Variants in RXFP2 observed in about 807,000 individuals in gnomAD.
RXFP2 encodes the protein relaxin receptor 2.
RXFP2 carries 68 observed loss-of-function variants against 88.6 expected under a neutral mutation model. The ratio of observed to expected loss-of-function variants is 0.77; its 90% CI spans 0.63 to 0.94. The LOEUF (loss-of-function observed/expected upper bound fraction) is 0.94. RXFP2 is among the 40% of genes least tolerant of loss of function. The pLI is 0.00. For missense variants in RXFP2, 791 were observed against 893.9 expected, an observed-to-expected ratio of 0.88 and a Z score of 1.47; for synonymous variants, 329 against 306.8, an observed-to-expected ratio of 1.07 and a Z score of -0.76.
Position 31,745,659 on chromosome 13 carries a change from T to C in RXFP2, c.94+5953T>C, listed in dbSNP as rs145571634. Among the ~76,000 whole-genome samples the C allele has an allele frequency of 3.7e-3, 563 of 152,352 alleles. 4 individuals are homozygous for C. The highest frequency in any genetic ancestry group is 6.7e-3 in the Non-Finnish European group (458 of 68,030). On this transcript the variant is annotated intron_variant, in intron 1 of 17. Coordinates refer to ENST00000298386, the MANE Select transcript of RXFP2 (RefSeq NM_130806.5). ...GTCCTCTCGCAACAGTGGCCTTTTC[T>C]GAATTCATGTTCTATGGAGAGCTTT...
At chr13:31,802,084 A>T (rs1451828341) in intron 17 of RXFP2, 62 bp from the exon 18 acceptor site, 1 of 1,530,290 alleles carries the variant, frequency 6.5e-7, no homozygotes, top group African/African-American at 1.4e-5. Flanking sequence ...GCAAAGTGTT[A>T]TTTGTATTTT....
At chr13:31,797,134 C>A (rs931937345) in intron 16 of RXFP2, 67 bp from the exon 17 acceptor site, 14 of 1,129,402 alleles carry the variant, frequency 1.2e-5, no homozygotes, top group African/African-American at 3.1e-5. Context: ...GATACTCAAC[C>A]TGTACCACAG....
At chr13:31,789,617 A>G (rs1283327105) in intron 14 of RXFP2, among the ~76,000 whole-genome samples, 2 of 152,262 alleles carry the variant, frequency 1.3e-5, no homozygotes, top group Admixed American at 6.5e-5. Context: ...GTGCACTACA[A>G]AATGGAGGTA....
chr13:31,759,377 GA>G (rs767221946), intron 2 of RXFP2, among the ~76,000 whole-genome samples: 4 of 102,322 alleles, frequency 3.9e-5, no homozygotes, highest in African/African-American at 1.5e-4. Flanking sequence ...TTTGGATTGA[GA>G]AAGAAAGAAA....
At chr13:31,770,218 T>C (rs1872687732) in intron 5 of RXFP2, among the ~76,000 whole-genome samples, 1 of 152,246 alleles carries the variant, frequency 6.6e-6, no homozygotes, top group South Asian at 2.1e-4. Flanking sequence ...CATATTCACC[T>C]GTTCTATGAT....
At chr13:31,754,460 G>C (rs529510672) in intron 1 of RXFP2, among the ~76,000 whole-genome samples, 2 of 152,142 alleles carry the variant, frequency 1.3e-5, no homozygotes, top group South Asian at 2.1e-4. Context: ...AAACCCGGGA[G>C]GGGGAGGTTT....
At chr13:31,761,860 A>G (rs1872318377) in intron 3 of RXFP2, 59 bp downstream of exon 3, 1 of 1,145,316 alleles carries the variant, frequency 8.7e-7, no homozygotes, top group Non-Finnish European at 1.3e-6. Flanking sequence ...TTTGTGATGC[A>G]CAGATTTATA....
Position 31,802,416 on chromosome 13 carries a change from G to A in RXFP2, c.*11G>A. On this transcript the variant is annotated 3_prime_UTR_variant, in exon 18 of 18. Transcript: ENST00000298386. ...AAACCAGTTTCCTAGCAATCATTTT[G>A]GATCACTGGACTTTCAGTGGACTAC... is the stretch of plus-strand genomic sequence containing the variant. 6.2e-7 allele frequency: 1 copy of A among 1,613,232 alleles called. No individual in the cohort carries two copies. Among genetic ancestry groups the A allele is most frequent in the East Asian group, 2.2e-5 (1 of 44,878 alleles).
At chr13:31,786,008 G>A (rs1593466912) in intron 11 of RXFP2, among the ~76,000 whole-genome samples, 1 of 152,340 alleles carries the variant, frequency 6.6e-6, no homozygotes, top group East Asian at 1.9e-4. Context: ...GAAAAGTGTA[G>A]TTGGATAAAC....
chr13:31,798,793 C>G (rs1874180429), intron 17 of RXFP2, among the ~76,000 whole-genome samples: 1 of 152,158 alleles, frequency 6.6e-6, no homozygotes, highest in Non-Finnish European at 1.5e-5. Flanking sequence ...AAGCTGTCCC[C>G]CCAACCTGGA....
At chr13:31,787,788 C>T (rs745366052) in intron 13 of RXFP2, among the ~76,000 whole-genome samples, 12 of 152,266 alleles carry the variant, frequency 7.9e-5, no homozygotes, top group South Asian at 2.1e-4. Context: ...TACAGGCGAA[C>T]GCCGCCATGC....
intron 9 of RXFP2, among the ~76,000 whole-genome samples, chr13:31,780,843 G>A (rs765607024): frequency 2.6e-5 from 4 of 152,178 alleles, no homozygotes; most frequent in Non-Finnish European, 5.9e-5. Flanking sequence ...AACAATGGGC[G>A]AACTTGCTGA....
chr13:31,757,907 C>G (rs9532455), intron 1 of RXFP2, among the ~76,000 whole-genome samples: 10,977 of 152,118 alleles, frequency 0.072, 415 homozygotes, highest in Middle Eastern at 0.13. Flanking sequence ...GCCTGGCCAA[C>G]ATGGTGAAAC....
intron 1 of RXFP2, among the ~76,000 whole-genome samples, chr13:31,748,009 AAGG>A (rs1295641395): frequency 2.0e-5 from 3 of 152,250 alleles, no homozygotes; most frequent in Non-Finnish European, 4.4e-5. Flanking sequence ...GTAAAAAGTG[AAGG>A]AGAACTGTCC....
intron 10 of RXFP2, among the ~76,000 whole-genome samples, chr13:31,782,365 G>A (rs1312180293): frequency 6.6e-6 from 1 of 152,028 alleles, no homozygotes; most frequent in Non-Finnish European, 1.5e-5. Context: ...TTGATTGGAT[G>A]GATGATTGGA....
chr13:31,782,776 T>C, intron 11 of RXFP2, 29 bp downstream of exon 11: 1 of 1,341,014 alleles, frequency 7.5e-7, no homozygotes, highest in Non-Finnish European at 1.1e-6. Flanking sequence ...TAGGAAAATA[T>C]GATTGCTTCT....
At chr13:31,788,401 T>C (rs1873650785) in intron 13 of RXFP2, among the ~76,000 whole-genome samples, 1 of 152,126 alleles carries the variant, frequency 6.6e-6, no homozygotes, top group Non-Finnish European at 1.5e-5. Context: ...AGATTATCTC[T>C]CTCCATCTGC....
At chr13:31,755,701 C>T (rs900348075) in intron 1 of RXFP2, among the ~76,000 whole-genome samples, 5 of 152,120 alleles carry the variant, frequency 3.3e-5, no homozygotes, top group African/African-American at 4.8e-5. Context: ...CCTCTCCCTG[C>T]GTGAACAGGT....
At chr13:31,776,102 T>TTTTCTTTTCTTTC (rs372102585) in intron 7 of RXFP2, among the ~76,000 whole-genome samples, 10 of 109,908 alleles carry the variant, frequency 9.1e-5, no homozygotes, top group African/African-American at 3.2e-4. Context: ...CTTTCTTTTC[T>TTTTCTTTTCTTTC]TTTCTTTCTT....
Sources: allele counts gnomAD v4.1 joint callset (sites outside exome capture counted in the v4.1 genomes callset), GRCh38; gene constraint gnomAD v4.1.1; transcripts MANE v1.5; gene names NCBI Gene and HGNC (gene_info 2026-07-23, HGNC 2026-07-21).